The following AKAP13 variants were observed in gnomAD, a reference collection of about 807,000 sequenced individuals.
AKAP13 encodes the protein A-kinase anchor protein 13.
Under a neutral mutation model 264.5 loss-of-function variants are expected in AKAP13, and 80 were observed. That is an observed-to-expected ratio of 0.30 (90% CI 0.25 to 0.36). AKAP13 has a LOEUF of 0.36. AKAP13 is among the 10% of genes least tolerant of loss of function. The probability of loss-of-function intolerance (pLI) is 1.00; values close to 1 mark genes in which losing one functional copy is unlikely to be tolerated. For missense variants in AKAP13, 3,712 were observed against 3,435.2 expected, an observed-to-expected ratio of 1.08 and a Z score of -2.01; for synonymous variants, 1,380 against 1,250.2, an observed-to-expected ratio of 1.10 and a Z score of -2.19.
chr15:85,384,293 A>G (rs1282932340), intron 1 of AKAP13, among the ~76,000 whole-genome samples: 2 of 152,224 alleles, frequency 1.3e-5, no homozygotes, highest in Admixed American at 6.5e-5. Flanking sequence ...AACATCTGGC[A>G]CTTGAATAGA....
At chr15:85,570,001 T>C (rs1028950570) in intron 5 of AKAP13, among the ~76,000 whole-genome samples, 1 of 126,946 alleles carries the variant, frequency 7.9e-6, no homozygotes, top group Non-Finnish European at 1.6e-5. Context: ...GGCGTGAACC[T>C]GGGAGGCGGA....
rs34121119 is a variant in AKAP13, at chr15:85,746,981, G to T, written c.*2304G>T. The T allele has an allele frequency of 0.36, 54,624 of 152,056 alleles. 12,315 individuals carry two copies. The highest frequency in any genetic ancestry group is 0.53 in the Middle Eastern group (157 of 294). The allele number at this position is 152,056 out of a possible 1,614,324, so 9.4% of individuals were successfully genotyped here. On this transcript the variant is annotated 3_prime_UTR_variant, in exon 37 of 37. Coordinates refer to ENST00000394518, the MANE Select transcript of AKAP13 (RefSeq NM_007200.5). ...ACAGAGCTTGACATCAATGTTAGAG[G>T]GTCTCTTACTCCCCGCCCAGCTGTG...
intron 2 of AKAP13, among the ~76,000 whole-genome samples, chr15:85,501,878 GT>G (rs896980665): frequency 2.0e-4 from 31 of 152,266 alleles, no homozygotes; most frequent in Admixed American, 1.8e-3. Context: ...AAATAAGGAT[GT>G]TGGTGAGATT....
chr15:85,426,955 G>GTTTTT (rs71468105), intron 1 of AKAP13, among the ~76,000 whole-genome samples: 41 of 125,068 alleles, frequency 3.3e-4, no homozygotes, highest in Non-Finnish European at 3.8e-4. Context: ...GTTTTGTTTT[G>GTTTTT]TTTTTTTTTT....
intron 8 of AKAP13, among the ~76,000 whole-genome samples, chr15:85,598,877 G>A (rs866613545): frequency 6.6e-6 from 1 of 152,214 alleles, no homozygotes. Context: ...GATTTTCCCT[G>A]TTGACAGCAT....
rs947036629 is a variant in AKAP13 at position 85,409,805 on chromosome 15, G to C, written c.-12+29007G>C. ...ACCACCACACCCTGCTAATTTTCTT[G>C]TATTTTTAGTAGAGACGGGGTTTCA... is the stretch of plus-strand genomic sequence containing the variant. On this transcript the variant is annotated intron_variant, in intron 1 of 36. Transcript: ENST00000394518. 9.3e-5 allele frequency among the ~76,000 whole-genome samples: 14 copies of C among 150,968 alleles called. 2 individuals carry two copies. Among genetic ancestry groups the C allele is most frequent in the African/African-American group, 3.4e-4 (14 of 40,582 alleles).
intron 9 of AKAP13, among the ~76,000 whole-genome samples, chr15:85,640,447 C>T (rs1367081495): frequency 6.6e-6 from 1 of 152,250 alleles, no homozygotes; most frequent in African/African-American, 2.4e-5. Context: ...GTTTTGAATC[C>T]TCTAACTCCA....
intron 1 of AKAP13, among the ~76,000 whole-genome samples, chr15:85,424,264 A>G (rs994839656): frequency 2.0e-5 from 3 of 152,226 alleles, no homozygotes; most frequent in Non-Finnish European, 2.9e-5. Flanking sequence ...GTCTACATTG[A>G]AAATCTGTTG....
At chr15:85,633,551 T>TTTTTTTC (rs2081948856) in intron 8 of AKAP13, among the ~76,000 whole-genome samples, 1 of 133,186 alleles carries the variant, frequency 7.5e-6, no homozygotes, top group African/African-American at 3.0e-5. Context: ...TTTTTTTTTT[T>TTTTTTTC]TTTTTTTTTT....
At chr15:85,587,420 G>T (rs1679860393) in intron 8 of AKAP13, among the ~76,000 whole-genome samples, 1 of 152,118 alleles carries the variant, frequency 6.6e-6, no homozygotes, top group South Asian at 2.1e-4. Flanking sequence ...CTGTTCCGTT[G>T]TATAGATATA....
At chr15:85,693,175 T>C in intron 16 of AKAP13, 102 bp from the exon 17 acceptor site, 4 of 1,406,112 alleles carry the variant, frequency 2.8e-6, no homozygotes, top group South Asian at 1.7e-5. Context: ...CTTTCCAAAA[T>C]AGTCACCAGC....
At chr15:85,437,401 A>G (rs890404799) in intron 1 of AKAP13, among the ~76,000 whole-genome samples, 15 of 152,206 alleles carry the variant, frequency 9.9e-5, no homozygotes, top group African/African-American at 3.4e-4. Flanking sequence ...ACAAGGAGGA[A>G]CTGGTACCAT....
At chr15:85,409,019 T>C (rs1052348410) in intron 1 of AKAP13, among the ~76,000 whole-genome samples, 2 of 151,814 alleles carry the variant, frequency 1.3e-5, no homozygotes, top group Non-Finnish European at 2.9e-5. Flanking sequence ...AGTAGTCATC[T>C]TATAGTGTGT....
At chr15:85,404,405 A>T (rs2071571948) in intron 1 of AKAP13, among the ~76,000 whole-genome samples, 1 of 152,168 alleles carries the variant, frequency 6.6e-6, no homozygotes, top group African/African-American at 2.4e-5. Flanking sequence ...CTGTTCTCTC[A>T]CTGTGGTGAA....
At chr15:85,638,054 T>C (rs1435468093) in intron 8 of AKAP13, among the ~76,000 whole-genome samples, 1 of 115,720 alleles carries the variant, frequency 8.6e-6, no homozygotes, top group South Asian at 2.6e-4. Flanking sequence ...AATTTTTTTG[T>C]ATTTTTTTTT....
chr15:85,414,624 TA>T (rs1177056230), intron 1 of AKAP13, among the ~76,000 whole-genome samples: 9 of 152,180 alleles, frequency 5.9e-5, no homozygotes, highest in Non-Finnish European at 5.9e-5. Context: ...AGCTCCAAAA[TA>T]AGATAAGGAA....
chr15:85,739,268 T>G (rs1232670549), intron 33 of AKAP13, among the ~76,000 whole-genome samples: 2 of 152,258 alleles, frequency 1.3e-5, no homozygotes, highest in Non-Finnish European at 2.9e-5. Context: ...ATGCTCATTT[T>G]CATCTTTTAC....
At chr15:85,703,120 A>G (rs1330699722) in intron 17 of AKAP13, among the ~76,000 whole-genome samples, 1 of 152,256 alleles carries the variant, frequency 6.6e-6, no homozygotes, top group Non-Finnish European at 1.5e-5. Flanking sequence ...AGTAGGAAAC[A>G]TAAGAATTTA....
intron 8 of AKAP13, among the ~76,000 whole-genome samples, chr15:85,604,494 C>T (rs549455865): frequency 4.2e-4 from 63 of 150,982 alleles, no homozygotes; most frequent in African/African-American, 1.3e-3. Flanking sequence ...GTTGGAGCCT[C>T]GCTCTGTTGC....
Sources: gnomAD v4.1 joint callset for allele counts (sites outside exome capture counted in the v4.1 genomes callset) on GRCh38, gnomAD v4.1.1 for gene constraint, MANE v1.5 for transcripts, NCBI Gene and HGNC (gene_info 2026-07-23, HGNC 2026-07-21) for gene names.